Variants in GRIN2A observed in about 807,000 individuals in gnomAD.
The protein encoded by GRIN2A is glutamate receptor ionotropic, NMDA 2A.
In GRIN2A, 22 loss-of-function variants were observed where a neutral mutation model predicts 113.4. The ratio of observed to expected loss-of-function variants is 0.19; its 90% CI spans 0.14 to 0.28. GRIN2A has a LOEUF of 0.28. GRIN2A is among the 10% of genes least tolerant of loss of function. The pLI is 1.00. For missense variants in GRIN2A, 1,502 were observed against 1,887.0 expected, an observed-to-expected ratio of 0.80 and a Z score of 3.78; for synonymous variants, 827 against 738.4, an observed-to-expected ratio of 1.12 and a Z score of -1.94.
intron 2 of GRIN2A, among the ~76,000 whole-genome samples, chr16:10,018,319 G>C (rs2046647701): frequency 1.3e-5 from 2 of 152,160 alleles, no homozygotes; most frequent in African/African-American, 4.8e-5. Context: ...AAGGTAAGAG[G>C]AGGCTGGTGT....
At chr16:10,154,748 A>G (rs1205764661) in intron 2 of GRIN2A, among the ~76,000 whole-genome samples, 1 of 152,218 alleles carries the variant, frequency 6.6e-6, no homozygotes, top group East Asian at 1.9e-4. Flanking sequence ...CTCAGAGGGC[A>G]TGGCTTCTGA....
chr16:9,767,585 CAAAA>C (rs570310074), intron 12 of GRIN2A, among the ~76,000 whole-genome samples: 2 of 143,182 alleles, frequency 1.4e-5, no homozygotes, highest in Non-Finnish European at 3.1e-5. Context: ...CAAACAAAAA[CAAAA>C]AAAAACACAA....
intron 2 of GRIN2A, among the ~76,000 whole-genome samples, chr16:10,097,476 G>A (rs2048315832): frequency 6.6e-6 from 1 of 152,166 alleles, no homozygotes. Flanking sequence ...GGAAAGGAAT[G>A]GAGTCTCCAG....
At chr16:10,039,950 AG>A (rs1000012159) in intron 2 of GRIN2A, among the ~76,000 whole-genome samples, 7 of 13,078 alleles carry the variant, frequency 5.4e-4, no homozygotes, top group Admixed American at 2.1e-3. Context: ...ACCCACAAAC[AG>A]CACAACCCAC....
intron 2 of GRIN2A, among the ~76,000 whole-genome samples, chr16:10,044,657 G>C (rs759070434): frequency 6.7e-6 from 1 of 149,288 alleles, no homozygotes; most frequent in Non-Finnish European, 1.5e-5. Context: ...GTTCATACTA[G>C]ATGCTCAATA....
chr16:9,772,750 C>T (rs900114920), intron 11 of GRIN2A, among the ~76,000 whole-genome samples: 5 of 152,136 alleles, frequency 3.3e-5, no homozygotes, highest in South Asian at 2.1e-4. Context: ...ATCTTCCTTT[C>T]GGTGTTGCCT....
chr16:10,165,288 GTGTATT>G (rs529064563), intron 2 of GRIN2A, among the ~76,000 whole-genome samples: 217 of 152,014 alleles, frequency 1.4e-3, no homozygotes, highest in African/African-American at 5.1e-3. Context: ...ATTATATAGT[GTGTATT>G]TGTAAATAAG....
intron 2 of GRIN2A, among the ~76,000 whole-genome samples, chr16:9,957,499 C>T (rs1382174624): frequency 1.3e-5 from 2 of 152,192 alleles, no homozygotes; most frequent in African/African-American, 4.8e-5. Flanking sequence ...CCCCAATTCA[C>T]TTTGAAAGAC....
rs74979838 is a variant in GRIN2A, at chr16:10,066,196, G to T, written c.414+113802C>A. On this transcript the variant is annotated intron_variant, in intron 2 of 12. Transcript: ENST00000330684. ...GAGTGGGAGGCTGCCAGCCTTTGAA[G>T]TTTGGGATGCGTCTTCCTCTCTGTG... 7.5e-3 allele frequency among the ~76,000 whole-genome samples: 1,139 copies of T among 152,260 alleles called. 63 individuals are homozygous for T. In the East Asian group the frequency reaches 0.15, roughly 20 times the overall value.
At position 9,938,097 on chromosome 16, in the gene GRIN2A, G is replaced by A. The variant is rs199528312; in HGVS notation, c.869C>T (p.Ala290Val). 1.3e-5 allele frequency: 21 copies of A among 1,613,946 alleles called. No individual in the cohort carries two copies. Among genetic ancestry groups the A allele is most frequent in the South Asian group, 4.4e-5 (4 of 91,070 alleles). ...SYDDWDYSLEARVRDGIGILT... is the reference protein window; with the variant it reads ...SYDDWDYSLEVRVRDGIGILT... ...GATGCCAATGCCGTCCCTCACTCTC[G>A]CCTCCAGGCTGTAGTCCCAGTCATC... The change falls in exon 3 of 13, where the codon GCG (alanine) becomes GTG (valine). Residue 290 changes from alanine to valine, a missense_variant. Ala to Val is a moderately conservative substitution (Grantham distance 64). Transcript: ENST00000330684.
rs1176104828 is a variant in GRIN2A at position 10,093,870 on chromosome 16, G to A, written c.414+86128C>T. 2.6e-5 allele frequency among the ~76,000 whole-genome samples: 4 copies of A among 152,194 alleles called. No individual in the cohort carries two copies. The South Asian group carries it at 8.3e-4, about 32-fold the overall frequency. On this transcript the variant is annotated intron_variant, in intron 2 of 12. Coordinates refer to ENST00000330684, the MANE Select transcript of GRIN2A (RefSeq NM_001134407.3). Reference sequence around the variant, plus strand: ...AGGGTGTCTAAGACCGTAGGGAAGAGATTGTCTGGGAAACTCTGCCCAAGA... The same window carrying A: ...AGGGTGTCTAAGACCGTAGGGAAGAAATTGTCTGGGAAACTCTGCCCAAGA...
At chr16:9,921,843 T>C (rs1346523388) in intron 3 of GRIN2A, among the ~76,000 whole-genome samples, 1 of 152,220 alleles carries the variant, frequency 6.6e-6, no homozygotes, top group Non-Finnish European at 1.5e-5. Context: ...ACTGTGCTTC[T>C]GTCATGCCTT....
chr16:10,079,403 GA>G (rs2047937591), intron 2 of GRIN2A, among the ~76,000 whole-genome samples: 2 of 152,170 alleles, frequency 1.3e-5, no homozygotes, highest in African/African-American at 4.8e-5. Context: ...TCAGGCAGAG[GA>G]AAACGCTAAG....
chr16:9,854,321 C>G (rs2042933088), intron 4 of GRIN2A, among the ~76,000 whole-genome samples: 1 of 151,912 alleles, frequency 6.6e-6, no homozygotes, highest in Admixed American at 6.6e-5. Flanking sequence ...GGGTGGCCGT[C>G]TGAATAGCCT....
chr16:9,815,021 CAAAAAA>C (rs60827287), intron 10 of GRIN2A, among the ~76,000 whole-genome samples: 1 of 76,338 alleles, frequency 1.3e-5, no homozygotes, highest in Admixed American at 1.5e-4. Context: ...AACTCCGTTT[CAAAAAA>C]AAAAAAAAAA....
intron 2 of GRIN2A, among the ~76,000 whole-genome samples, chr16:10,126,474 A>G (rs768438735): frequency 3.2e-4 from 49 of 152,276 alleles, no homozygotes; most frequent in Middle Eastern, 3.4e-3. Flanking sequence ...CAGTTTCATT[A>G]CCGTATTTCA....
intron 2 of GRIN2A, among the ~76,000 whole-genome samples, chr16:9,943,972 G>A (rs570225912): frequency 6.6e-6 from 1 of 152,278 alleles, no homozygotes; most frequent in Non-Finnish European, 1.5e-5. Context: ...TTAAAGCCAA[G>A]TACAATGTCT....
chr16:9,911,503 T>C (rs990276654), intron 3 of GRIN2A, among the ~76,000 whole-genome samples: 1 of 152,162 alleles, frequency 6.6e-6, no homozygotes, highest in Admixed American at 6.5e-5. Context: ...ATCAGTAAAA[T>C]GGGCATAATC....
At chr16:10,145,546 A>G (rs1413346731) in intron 2 of GRIN2A, among the ~76,000 whole-genome samples, 1 of 152,144 alleles carries the variant, frequency 6.6e-6, no homozygotes, top group Non-Finnish European at 1.5e-5. Context: ...GTTGAAGCTG[A>G]ATTGAGGGTA....
Sources: gnomAD v4.1 joint callset for allele counts (sites outside exome capture counted in the v4.1 genomes callset) on GRCh38, gnomAD v4.1.1 for gene constraint, MANE v1.5 for transcripts, NCBI Gene and HGNC (gene_info 2026-07-23, HGNC 2026-07-21) for gene names.